Variants in DNAH12 observed in about 807,000 individuals in gnomAD.
DNAH12 encodes the protein axonemal beta dynein heavy chain 12.
A neutral mutation model predicts 371.5 loss-of-function variants in DNAH12; 285 were observed. The observed-to-expected ratio is 0.77, with a 90% CI of 0.70 to 0.85. The LOEUF is 0.85. Ranked by LOEUF, DNAH12 falls within the 40% of genes least tolerant of loss-of-function variation. The pLI is 0.00. For synonymous variants in DNAH12, 1,200 were observed against 1,213.0 expected (o/e 0.99, Z 0.22); for missense variants, 3,611 against 3,689.4 (o/e 0.98, Z 0.55).
chr3:57,453,721 G>A (rs2065824541), intron 23 of DNAH12, among the ~76,000 whole-genome samples: 1 of 152,042 alleles, frequency 6.6e-6, no homozygotes, highest in Non-Finnish European at 1.5e-5. Context: ...CTACAGGCAT[G>A]TGCCAGTAGG....
intron 13 of DNAH12, among the ~76,000 whole-genome samples, chr3:57,475,322 C>T (rs1048672810): frequency 3.3e-5 from 5 of 151,818 alleles, no homozygotes; most frequent in African/African-American, 9.7e-5. Flanking sequence ...TTGTCTCCAA[C>T]AGGAAGAAAG....
At chr3:57,454,928 G>A (rs1269066099) in intron 22 of DNAH12, 34 bp from the exon 23 acceptor site, 2 of 1,528,188 alleles carry the variant, frequency 1.3e-6, no homozygotes, top group East Asian at 2.5e-5. Context: ...AACTTTAAAA[G>A]CTTGAATGAG....
At position 57,510,115 on chromosome 3, in the gene DNAH12, A is replaced by T. The variant is rs1208486342; in HGVS notation, c.469+675T>A. Among the ~76,000 whole-genome samples the T allele has an allele frequency of 2.0e-5, 3 of 151,988 alleles. No individual in the cohort carries two copies. The South Asian group carries it at 6.2e-4, about 31-fold the overall frequency. ...TTTGTCAATTTTTAAAAAGGAAAAA[A>T]GTTTATTCTAAAAAATAGCAAAGAT... On this transcript the variant is annotated intron_variant, in intron 5 of 73. Coordinates refer to ENST00000495027, the MANE Select transcript of DNAH12 (RefSeq NM_001366028.2).
chr3:57,433,748 T>G lies in DNAH12; in HGVS notation c.4736A>C (p.Glu1579Ala). ...CTTTTCTTCCTCTCCATAGCCATGT[T>G]CATTCATTAAAGTTAGCGTATCCGC... ...VLADTLTLMN[E>A]HGYGEEEKVI... The change falls in exon 31 of 74, where the codon GAA becomes GCA. Residue 1579 changes from glutamate (E) to alanine (A), a missense_variant. Transcript: ENST00000495027. The G allele has an allele frequency of 1.9e-6, 3 of 1,551,446 alleles. No homozygotes were observed. The highest frequency in any genetic ancestry group is 8.7e-7 in the Non-Finnish European group (1 of 1,146,914).
chr3:57,320,175 G>A (rs990875382), intron 65 of DNAH12, among the ~76,000 whole-genome samples: 1 of 152,162 alleles, frequency 6.6e-6, no homozygotes, highest in East Asian at 1.9e-4. Context: ...CAGGTTTGTG[G>A]GGATTATGGT....
At chr3:57,294,868 C>T (rs770977401) in intron 73 of DNAH12, among the ~76,000 whole-genome samples, 4 of 152,034 alleles carry the variant, frequency 2.6e-5, no homozygotes, top group Admixed American at 1.3e-4. Context: ...GAACCACATT[C>T]GTAATGAGAA....
intron 2 of DNAH12, among the ~76,000 whole-genome samples, chr3:57,537,559 A>G (rs2069097773): frequency 6.6e-6 from 1 of 152,198 alleles, no homozygotes; most frequent in South Asian, 2.1e-4. Flanking sequence ...CGCTCCTGTC[A>G]TCTAACAGGT....
intron 37 of DNAH12, among the ~76,000 whole-genome samples, chr3:57,416,787 G>A (rs2064389465): frequency 6.6e-6 from 1 of 152,084 alleles, no homozygotes; most frequent in African/African-American, 2.4e-5. Flanking sequence ...AGTGAATGGG[G>A]AATTCAAGCA....
At chr3:57,543,487 CTTTT>C (rs1309023967) in intron 1 of DNAH12, among the ~76,000 whole-genome samples, 2 of 150,766 alleles carry the variant, frequency 1.3e-5, no homozygotes, top group Non-Finnish European at 3.0e-5. Flanking sequence ...CGCCCAGCTA[CTTTT>C]TTGTGTTTTT....
At chr3:57,430,007 C>G (rs1213328637) in intron 32 of DNAH12, among the ~76,000 whole-genome samples, 2 of 152,018 alleles carry the variant, frequency 1.3e-5, no homozygotes, top group African/African-American at 4.8e-5. Flanking sequence ...GATAATAGTG[C>G]TCTTGTAGAA....
intron 49 of DNAH12, 126 bp downstream of exon 49, chr3:57,384,703 T>G (rs1320777213): frequency 6.6e-6 from 1 of 152,140 alleles, no homozygotes; most frequent in Non-Finnish European, 1.5e-5. Context: ...AGAGCCAAGT[T>G]TCATTTGACT....
At chr3:57,440,825 T>C (rs1221385888) in intron 29 of DNAH12, among the ~76,000 whole-genome samples, 1 of 152,038 alleles carries the variant, frequency 6.6e-6, no homozygotes, top group Non-Finnish European at 1.5e-5. Context: ...TCCTCTCTAC[T>C]AAAAATACAA....
At chr3:57,416,777 A>G (rs2064388868) in intron 37 of DNAH12, among the ~76,000 whole-genome samples, 8 of 152,168 alleles carry the variant, frequency 5.3e-5, no homozygotes, top group Admixed American at 5.2e-4. Context: ...TTCCCCATTC[A>G]GTGAATGGGG....
Position 57,322,359 on chromosome 3 carries a change from C to T in DNAH12, c.10508G>A (p.Cys3503Tyr), listed in dbSNP as rs954267918. 65 of 1,551,012 alleles carry T rather than the reference C, an allele frequency of 4.2e-5. No individual in the cohort carries two copies. Among genetic ancestry groups the T allele is most frequent in the Non-Finnish European group, 5.4e-5 (62 of 1,146,738 alleles). ...PVSDPEFFKG[C>Y]RGKELAWEKL... ...GAATATTACCAGTTCCTTTCCACGG[C>T]ATCCCTTGAAAAACTCAGGATCAGA... Residue 3503 changes from cysteine to tyrosine, a missense_variant, in exon 65 of 74, where the codon TGC becomes TAC. This residue lies in a region of DNAH12 where 2,266 missense variants were observed against 2,236.9 expected (regional missense o/e 1.01). Coordinates refer to ENST00000495027, the MANE Select transcript of DNAH12 (RefSeq NM_001366028.2).
rs1177632704 is a variant in DNAH12, at chr3:57,363,584, C to A, written c.9360+10G>T. ...TTTAAATCAAAAGACTTCTAGGATT[C>A]TTTTTTCACCTGCTGTTTCTTTGTT... On this transcript the variant is annotated intron_variant, in intron 58 of 73. Transcript: ENST00000495027. The A allele has an allele frequency of 6.6e-6, 1 of 151,996 alleles. No homozygotes were observed. The highest frequency in any genetic ancestry group is 2.4e-5 in the African/African-American group (1 of 41,422). 9.4% of individuals were successfully genotyped at this position (151,996 alleles called of 1,614,324 possible). A position where few individuals can be genotyped will look rare whatever the true frequency, so the allele number is the denominator to read the frequency against.
At chr3:57,325,566 T>C (rs1342246730) in intron 62 of DNAH12, among the ~76,000 whole-genome samples, 1 of 152,118 alleles carries the variant, frequency 6.6e-6, no homozygotes, top group Admixed American at 6.5e-5. Flanking sequence ...CAAAAACCCA[T>C]CTGTACATCA....
rs1436938670 is a variant in DNAH12 at position 57,482,614 on chromosome 3, C to A, written c.1650+762G>T. Among the ~76,000 whole-genome samples, 8 of 152,220 alleles carry A rather than the reference C, an allele frequency of 5.3e-5. No homozygotes were observed. In the Middle Eastern group the frequency reaches 0.014, roughly 259 times the overall value. ...TATAAATCATGTTGCTATAAAGACA[C>A]ATGCACACGTATGTTTATTGCAGCA... On this transcript the variant is annotated intron_variant, in intron 13 of 73. Transcript: ENST00000495027.
chr3:57,548,546 A>G (rs746664053), upstream of DNAH12, among the ~76,000 whole-genome samples: 10 of 152,064 alleles, frequency 6.6e-5, no homozygotes, highest in Non-Finnish European at 1.5e-4. Context: ...CTGTCTCTAC[A>G]GAATATTTCT....
chr3:57,431,720 G>A (rs762894512), intron 32 of DNAH12, among the ~76,000 whole-genome samples: 1 of 152,168 alleles, frequency 6.6e-6, no homozygotes, highest in Non-Finnish European at 1.5e-5. Context: ...CACAAAGGCA[G>A]ACCTTGGTAC....
Sources: gnomAD v4.1 joint callset for allele counts (sites outside exome capture counted in the v4.1 genomes callset) on GRCh38, gnomAD v4.1.1 for gene constraint, gnomAD v4.1.1 regional missense constraint, MANE v1.5 for transcripts, NCBI Gene and HGNC (gene_info 2026-07-23, HGNC 2026-07-21) for gene names.